TTC12: variants seen among roughly 807,000 people sequenced by gnomAD.
TTC12 encodes tetratricopeptide repeat protein 12.
In TTC12, 70 loss-of-function variants were observed where a neutral mutation model predicts 90.1. The ratio of observed to expected loss-of-function variants is 0.78; its 90% CI spans 0.64 to 0.95. TTC12 has a LOEUF of 0.95. Among genes scored for constraint, TTC12 ranks in the 40% least tolerant of loss-of-function variants. The pLI is 0.00. For missense variants in TTC12, 819 were observed against 846.1 expected (o/e 0.97, Z 0.40); for synonymous variants, 296 against 311.5 (o/e 0.95, Z 0.53).
chr11:113,332,197 AT>A (rs1275556162), intron 7 of TTC12, among the ~76,000 whole-genome samples: 2 of 152,242 alleles, frequency 1.3e-5, no homozygotes, highest in African/African-American at 4.8e-5. Context: ...GCACAATGAA[AT>A]ACATCTTCCT....
chr11:113,354,289 A>G (rs546487602), intron 16 of TTC12, among the ~76,000 whole-genome samples: 3 of 152,250 alleles, frequency 2.0e-5, no homozygotes, highest in Admixed American at 6.5e-5. Context: ...TAAGAATGCT[A>G]GTGACTTTTA....
intron 16 of TTC12, among the ~76,000 whole-genome samples, chr11:113,353,345 T>C (rs1949420711): frequency 6.6e-6 from 1 of 152,216 alleles, no homozygotes; most frequent in African/African-American, 2.4e-5. Flanking sequence ...TTTTTTAAGT[T>C]CTTTATAGAT....
At chr11:113,325,343 G>GA (rs529159793) in intron 5 of TTC12, among the ~76,000 whole-genome samples, 181 bp from the exon 6 acceptor site, 23 of 151,424 alleles carry the variant, frequency 1.5e-4, no homozygotes, top group Non-Finnish European at 2.8e-4. Context: ...GGATTTGGAG[G>GA]AAAAAAAATA....
At chr11:113,370,768 T>C (rs1342066356), downstream of TTC12, among the ~76,000 whole-genome samples, 1 of 152,210 alleles carries the variant, frequency 6.6e-6, no homozygotes, top group Non-Finnish European at 1.5e-5. Flanking sequence ...GGAGCAGGGC[T>C]CCTGTCACCA....
In TTC12 at chr11:113,344,348, G is replaced by T. The variant is rs782142633; in HGVS notation, c.1062G>T (p.Leu354=). 2 of 1,614,224 alleles carry T rather than the reference G, an allele frequency of 1.2e-6. No individual in the cohort carries two copies. The change falls in exon 13 of 22, where the codon CTG becomes CTT. Residue 354 remains leucine, a synonymous_variant. Transcript: ENST00000529221. ...LLAALLSSKV[L]AIRQQSFALL... ...CCGCCCTCTTGTCCTCCAAGGTCCT[G>T]GCCATCCGGCAGCAGAGCTTTGCCC...
At chr11:113,361,570 G>T (rs1949925412) in intron 18 of TTC12, among the ~76,000 whole-genome samples, 1 of 143,966 alleles carries the variant, frequency 6.9e-6, no homozygotes, top group South Asian at 2.2e-4. Context: ...GCGTTTGCTG[G>T]CAGGCATCTA....
At chr11:113,325,453 CG>C (rs782204117) in intron 5 of TTC12, 70 bp from the exon 6 acceptor site, 121 of 1,568,784 alleles carry the variant, frequency 7.7e-5, no homozygotes, top group Non-Finnish European at 1.0e-4. Flanking sequence ...ATTGGAAAAT[CG>C]GGGGAATAAA....
At chr11:113,343,738 C>T (rs1948799817) in intron 12 of TTC12, among the ~76,000 whole-genome samples, 3 of 152,194 alleles carry the variant, frequency 2.0e-5, no homozygotes, top group Non-Finnish European at 1.5e-5. Flanking sequence ...TGCCACCACC[C>T]TGGAAGAGCT....
intron 16 of TTC12, among the ~76,000 whole-genome samples, chr11:113,358,460 A>G (rs1236448814): frequency 1.3e-5 from 2 of 152,082 alleles, no homozygotes; most frequent in African/African-American, 4.8e-5. Flanking sequence ...AGCCCCCAAG[A>G]CTGCTCAGCA....
downstream of TTC12, among the ~76,000 whole-genome samples, chr11:113,369,341 G>A (rs375831576): frequency 1.9e-4 from 29 of 151,960 alleles, no homozygotes; most frequent in East Asian, 2.5e-3. Context: ...GGCTGGTCTC[G>A]AACTCCTGAC....
At chr11:113,360,278 C>T (rs1224557461) in intron 18 of TTC12, among the ~76,000 whole-genome samples, 2 of 152,010 alleles carry the variant, frequency 1.3e-5, no homozygotes, top group Admixed American at 6.5e-5. Flanking sequence ...CTTAAGAATC[C>T]CCCTTCCGTA....
chr11:113,373,105 C>T, intron 21 of TTC12: 1 of 708,252 alleles, frequency 1.4e-6, no homozygotes. Flanking sequence ...CGGGTTCTAT[C>T]ATTATTCTCC....
intron 18 of TTC12, among the ~76,000 whole-genome samples, chr11:113,361,180 A>G (rs1322429450): frequency 6.6e-6 from 1 of 152,210 alleles, no homozygotes; most frequent in Non-Finnish European, 1.5e-5. Flanking sequence ...GGTGTCAACT[A>G]TAGCAAAATT....
chr11:113,372,738 C>T (rs1056937800), intron 21 of TTC12, among the ~76,000 whole-genome samples: 8 of 152,188 alleles, frequency 5.3e-5, no homozygotes, highest in East Asian at 3.9e-4. Flanking sequence ...AACCATCCAA[C>T]GTAATCTGAG....
rs1199605340 is a variant in TTC12 at position 113,364,641 on chromosome 11, G to A, written c.1817-194G>A. ...TCTAGGAAGCGGAGATACTTCAGAG[G>A]TTCAGCAAGGAGTTGAGGAGGTTCA... On this transcript the variant is annotated intron_variant, in intron 20 of 21. Transcript: ENST00000529221. 26 of 593,836 alleles carry A rather than the reference G, an allele frequency of 4.4e-5. 1 individual carries two copies. The Admixed American group carries it at 7.2e-4, about 16-fold the overall frequency. The allele number at this position is 593,836 out of a possible 1,614,324, so 36.8% of individuals were successfully genotyped here.
At chr11:113,321,163 T>C (rs1947306801) in intron 2 of TTC12, among the ~76,000 whole-genome samples, 2 of 152,158 alleles carry the variant, frequency 1.3e-5, no homozygotes, top group Non-Finnish European at 2.9e-5. Flanking sequence ...TCCAATCAAA[T>C]TCAGCGAAAT....
chr11:113,343,275 A>C (rs1948778775), intron 12 of TTC12, among the ~76,000 whole-genome samples: 1 of 152,226 alleles, frequency 6.6e-6, no homozygotes, highest in South Asian at 2.1e-4. Context: ...GGTATCAACT[A>C]ACTCTGTGTT....
At position 113,354,991 on chromosome 11, in the gene TTC12, TC is replaced by T. The variant is rs148819567; in HGVS notation, c.1446+2787del. On this transcript the variant is annotated intron_variant, in intron 16 of 21. Coordinates refer to ENST00000529221, the MANE Select transcript of TTC12 (RefSeq NM_017868.4). ...TCTCACAGAATGAGTTAGGAAGGAG[TC>T]CCTCTTCCTTGATATTTTGGAATAG... Among the ~76,000 whole-genome samples the T allele has an allele frequency of 9.9e-3, 1,500 of 152,258 alleles. 28 individuals are homozygous for T. Among genetic ancestry groups the T allele is most frequent in the African/African-American group, 0.034 (1,432 of 41,532 alleles).
chr11:113,360,740 CT>C (rs1202915773), intron 18 of TTC12, among the ~76,000 whole-genome samples: 1 of 152,164 alleles, frequency 6.6e-6, no homozygotes, highest in Non-Finnish European at 1.5e-5. Context: ...GGAAACCAGC[CT>C]TTCAAGGGTT....
Sources: gnomAD v4.1 joint callset for allele counts (sites outside exome capture counted in the v4.1 genomes callset) on GRCh38, gnomAD v4.1.1 for gene constraint, MANE v1.5 for transcripts, NCBI Gene and HGNC (gene_info 2026-07-23, HGNC 2026-07-21) for gene names.